BAIAP3: variants seen among roughly 807,000 people sequenced by gnomAD.
BAIAP3 encodes the protein BAI1-associated protein 3.
BAIAP3 carries 180 observed loss-of-function variants against 149.7 expected under a neutral mutation model. The observed-to-expected ratio is 1.20, with a 90% CI of 1.07 to 1.36. BAIAP3 has a LOEUF of 1.36. Among genes scored for constraint, BAIAP3 ranks in the 40% most tolerant of loss-of-function variants. The pLI is 0.00. For synonymous variants in BAIAP3, 845 were observed against 670.7 expected (o/e 1.26, Z -4.02); for missense variants, 1,767 against 1,563.4 (o/e 1.13, Z -2.20).
In BAIAP3 at chr16:1,344,598, C is replaced by T. The variant is rs529804680; in HGVS notation, c.1660-3C>T. 5.6e-6 allele frequency: 9 copies of T among 1,612,926 alleles called. No individual in the cohort carries two copies. The South Asian group carries it at 7.7e-5, about 14-fold the overall frequency. ...GGTGGGTACGAGCTAGGCTTCCTTG[C>T]AGCCAGGACCACAGCGCCTGCCTGG... On this transcript the variant is annotated splice_polypyrimidine_tract_variant and splice_region_variant and intron_variant, in intron 18 of 33. Coordinates refer to ENST00000426824, the MANE Select transcript of BAIAP3 (RefSeq NM_001199097.2).
At chr16:1,346,786 C>T in intron 27 of BAIAP3, 61 bp from the exon 28 acceptor site, 1 of 1,524,778 alleles carries the variant, frequency 6.6e-7, no homozygotes, top group Non-Finnish European at 8.8e-7. Flanking sequence ...CCAGGCCATT[C>T]TGCAGGTGGG....
At chr16:1,336,329 C>G in intron 1 of BAIAP3, 1 of 985,368 alleles carries the variant, frequency 1.0e-6, no homozygotes, top group Non-Finnish European at 1.2e-6. Flanking sequence ...AGCACTGTAC[C>G]CAGCCTACCA....
intron 14 of BAIAP3, 187 bp downstream of exon 14, chr16:1,343,203 C>T: frequency 9.1e-7 from 1 of 1,097,278 alleles, no homozygotes. Flanking sequence ...GTAGGTGAGG[C>T]AGCGAAAGGG....
intron 10 of BAIAP3, 31 bp downstream of exon 10, chr16:1,342,094 C>T (rs924700452): frequency 1.3e-6 from 2 of 1,576,918 alleles, no homozygotes; most frequent in Admixed American, 1.8e-5. Context: ...CTACCCATCA[C>T]CCGTGCCCTC....
chr16:1,345,672 C>G, intron 22 of BAIAP3, 75 bp from the exon 23 acceptor site: 1 of 563,726 alleles, frequency 1.8e-6, no homozygotes, highest in South Asian at 1.9e-5. Context: ...CCAGCCTCCC[C>G]CACAACCCCC....
At position 1,342,940 on chromosome 16, in the gene BAIAP3, C is replaced by A; in HGVS notation, c.1189C>A (p.Leu397Ile). 1 of 1,612,258 alleles carries A rather than the reference C, an allele frequency of 6.2e-7. No homozygotes were observed. Among genetic ancestry groups the A allele is most frequent in the Non-Finnish European group, 8.5e-7 (1 of 1,179,996 alleles). ...CAACTCCAGCAGCTGGCGAGGAGAGCTCAGCACACCAGCCGCCACCATCCT... is the reference window on the plus strand; with the variant it reads ...CAACTCCAGCAGCTGGCGAGGAGAGATCAGCACACCAGCCGCCACCATCCT... ...EPNSSSWRGE[L>I]STPAATILCL... Residue 397 changes from leucine (L) to isoleucine (I), a missense_variant, in exon 14 of 34, where the codon CTC becomes ATC. Coordinates refer to ENST00000426824, the MANE Select transcript of BAIAP3 (RefSeq NM_001199097.2).
intron 13 of BAIAP3, 30 bp from the exon 14 acceptor site, chr16:1,342,883 C>T (rs760862211): frequency 1.9e-6 from 3 of 1,611,886 alleles, no homozygotes. Flanking sequence ...GGCTGTCCCG[C>T]CTCCACCCAC....
chr16:1,345,862 C>T lies in BAIAP3; in HGVS notation c.2180C>T (p.Ala727Val), dbSNP rs2034319315. The part of the protein sequence containing the change: ...VRLAWPDPAQ[A>V]QGLGTQLGQD... Reference sequence around the variant, plus strand: ...CTGGCGTGGCCTGACCCTGCCCAGGCTCAGGGGCTGGGCACCCAGCTTGGC... The same window carrying T: ...CTGGCGTGGCCTGACCCTGCCCAGGTTCAGGGGCTGGGCACCCAGCTTGGC... The change falls in exon 23 of 34, where the codon GCT (alanine) becomes GTT (valine). Residue 727 changes from alanine (A) to valine (V), a missense_variant. Physicochemically the swap from Ala to Val is moderately conservative, Grantham distance 64 (BLOSUM62 0). Transcript: ENST00000426824. The T allele has an allele frequency of 6.3e-7, 1 of 1,579,106 alleles. No individual in the cohort carries two copies. The highest frequency in any genetic ancestry group is 8.6e-7 in the Non-Finnish European group (1 of 1,164,006).
chr16:1,347,169 G>A (rs1596590953), intron 28 of BAIAP3, 129 bp from the exon 29 acceptor site: 1 of 1,042,070 alleles, frequency 9.6e-7, no homozygotes, highest in African/African-American at 1.6e-5. Context: ...CCGCCAGGGT[G>A]TGAGAAAGGG....
rs1307722830 is a variant in BAIAP3 at position 1,341,215 on chromosome 16, A to G, written c.535+20A>G. On this transcript the variant is annotated intron_variant, in intron 7 of 33. Coordinates refer to ENST00000426824, the MANE Select transcript of BAIAP3 (RefSeq NM_001199097.2). ...CCAACGGTGAGTGGGGACCCAGCAG[A>G]CCTCGGCTGCGCCGAGGCCTGGCGG... 6.2e-6 allele frequency: 10 copies of G among 1,610,350 alleles called. No individual in the cohort carries two copies. Among genetic ancestry groups the G allele is most frequent in the East Asian group, 2.2e-5 (1 of 44,862 alleles).
At position 1,344,833 on chromosome 16, in the gene BAIAP3, G is replaced by C. The variant is rs376716419; in HGVS notation, c.1793G>C (p.Arg598Pro). 2 of 1,613,776 alleles carry C rather than the reference G, an allele frequency of 1.2e-6. No individual in the cohort carries two copies. Among genetic ancestry groups the C allele is most frequent in the South Asian group, 1.1e-5 (1 of 91,088 alleles). Residue 598 changes from arginine to proline, a missense_variant, in exon 20 of 34, where the codon CGG becomes CCG. Transcript: ENST00000426824. ...GTGGACGTCTTCACCCTGACCTTCC[G>C]GCAGCTGGAGCGTCTGGTGAGGAGG... is the stretch of plus-strand genomic sequence containing the variant. ...LNVDVFTLTFRQLERLVAEEA... is the reference protein window; with the variant it reads ...LNVDVFTLTFPQLERLVAEEA...
At position 1,348,556 on chromosome 16, in the gene BAIAP3, A is replaced by G. The variant is rs1397986295; in HGVS notation, c.*74A>G. On this transcript the variant is annotated 3_prime_UTR_variant, in exon 34 of 34. Coordinates refer to ENST00000426824, the MANE Select transcript of BAIAP3 (RefSeq NM_001199097.2). ...AAGCATCCTCCAGCTCACTGTGGCC[A>G]GCTTTGTGCAACCAGGGCCCACGGC... is the stretch of plus-strand genomic sequence containing the variant. The G allele has an allele frequency of 1.4e-6, 2 of 1,442,986 alleles. No homozygotes were observed. Among genetic ancestry groups the G allele is most frequent in the East Asian group, 5.0e-5 (2 of 40,378 alleles). The allele number at this position is 1,442,986 out of a possible 1,614,324, so 89.4% of individuals were successfully genotyped here.
chr16:1,340,734 C>T (rs934266968), intron 5 of BAIAP3, among the ~76,000 whole-genome samples, 188 bp from the exon 6 acceptor site: 10 of 152,388 alleles, frequency 6.6e-5, no homozygotes, highest in Middle Eastern at 6.8e-3. Flanking sequence ...ATCACACCCA[C>T]CATCTCTGGG....
chr16:1,339,907 C>T (rs1227626408), intron 5 of BAIAP3, among the ~76,000 whole-genome samples: 5 of 147,556 alleles, frequency 3.4e-5, no homozygotes, highest in East Asian at 4.0e-4. Flanking sequence ...CACACAGACA[C>T]GCACACAGGC....
intron 1 of BAIAP3, 47 bp downstream of exon 1, chr16:1,333,796 C>G (rs1373459268): frequency 6.6e-6 from 1 of 152,004 alleles, no homozygotes; most frequent in African/African-American, 2.4e-5. Context: ...GCCGTCTGGG[C>G]TCGGCCCCGC....
At chr16:1,338,453 G>GCCCCACCC (rs1287447217) in intron 1 of BAIAP3, 87 bp from the exon 2 acceptor site, 5 of 179,036 alleles carry the variant, frequency 2.8e-5, no homozygotes, top group African/African-American at 1.3e-4. Context: ...ACCTCTTCCC[G>GCCCCACCC]CCCCACCCCC....
Position 1,339,494 on chromosome 16 carries a change from A to G in BAIAP3, c.301-2A>G, listed in dbSNP as rs775234980. On this transcript the variant is annotated splice_acceptor_variant, in intron 4 of 33. Coordinates refer to ENST00000426824, the MANE Select transcript of BAIAP3 (RefSeq NM_001199097.2). LOFTEE classifies it high-confidence loss of function. ...CTGTGGCCGCCCTTCCCCCACCTGC[A>G]GGTGGAGATGCTCTACGAGGAGGCC... 11 of 1,606,394 alleles carry G rather than the reference A, an allele frequency of 6.8e-6. No homozygotes were observed. The highest frequency in any genetic ancestry group is 9.4e-6 in the Non-Finnish European group (11 of 1,175,182).
chr16:1,345,839 G>A lies in BAIAP3; in HGVS notation c.2157G>A (p.Leu719=). The change falls in exon 23 of 34, where the codon CTG becomes CTA. Residue 719 remains leucine, a synonymous_variant. Transcript: ENST00000426824. ...ACATCCAGGAGTTGTGGGTGCGCCT[G>A]GCGTGGCCTGACCCTGCCCAGGCTC... ...LSHIQELWVR[L]AWPDPAQAQG... The A allele has an allele frequency of 1.3e-6, 2 of 1,579,614 alleles. No individual in the cohort carries two copies. The highest frequency in any genetic ancestry group is 1.7e-6 in the Non-Finnish European group (2 of 1,164,946).
intron 5 of BAIAP3, among the ~76,000 whole-genome samples, chr16:1,339,824 G>T (rs552792183): frequency 4.1e-5 from 5 of 123,036 alleles, no homozygotes; most frequent in Non-Finnish European, 6.6e-5. Flanking sequence ...CACACACACA[G>T]GCTGCAGGTG....
Sources: gnomAD v4.1 joint callset for allele counts (sites outside exome capture counted in the v4.1 genomes callset) on GRCh38, gnomAD v4.1.1 for gene constraint, MANE v1.5 for transcripts, NCBI Gene and HGNC (gene_info 2026-07-23, HGNC 2026-07-21) for gene names.